Variants in HSPG2 observed in about 807,000 individuals in gnomAD.
HSPG2 encodes basement membrane-specific heparan sulfate proteoglycan core protein.
Under a neutral mutation model 526.6 loss-of-function variants are expected in HSPG2, and 278 were observed. The ratio of observed to expected loss-of-function variants is 0.53; its 90% confidence interval spans 0.48 to 0.58. The LOEUF (loss-of-function observed/expected upper bound fraction) is 0.58, where lower values mean the gene tolerates loss of function less well. HSPG2 is among the 20% of genes least tolerant of loss of function. The pLI is 0.00. For missense variants in HSPG2, 5,354 were observed against 6,099.5 expected (o/e 0.88, Z 4.07); for synonymous variants, 2,465 against 2,555.4 (o/e 0.96, Z 1.07).
intron 3 of HSPG2, among the ~76,000 whole-genome samples, chr1:21,892,875 A>AG (rs1642466547): frequency 6.6e-6 from 1 of 150,922 alleles, no homozygotes; most frequent in South Asian, 2.1e-4. Flanking sequence ...AAAAAAAAAA[A>AG]AAAAAGAAAA....
Position 21,890,304 on chromosome 1 carries a change from TC to T in HSPG2, c.413+122del. ...TGATCCCCCGACCAATTCCTGAATTTCCACCCACAGCGACTCATCCCATAGG... is the reference window on the plus strand; with the variant it reads ...TGATCCCCCGACCAATTCCTGAATTTCACCCACAGCGACTCATCCCATAGG... On this transcript the variant is annotated intron_variant, in intron 5 of 96. Transcript: ENST00000374695. The surrounding 1 kb of genome is among the most constrained non-coding windows in gnomAD (Gnocchi z 4.1). 1 of 1,275,266 alleles carries T rather than the reference TC, an allele frequency of 7.8e-7. No homozygotes were observed. Among genetic ancestry groups the T allele is most frequent in the Non-Finnish European group, 1.1e-6 (1 of 878,950 alleles). 79.0% of individuals were successfully genotyped at this position (1,275,266 alleles called of 1,614,324 possible). A position where few individuals can be genotyped will look rare whatever the true frequency, so the allele number is the denominator to read the frequency against.
rs1319668412 is a variant in HSPG2, at chr1:21,876,409, G to T, written c.2827-4C>A. ...GCTCCTCAGAGGCCCCATGCAACTG[G>T]GAGGAGGAGAAAGGGCTGGGATGGG... On this transcript the variant is annotated splice_polypyrimidine_tract_variant and splice_region_variant and intron_variant, in intron 22 of 96. Transcript: ENST00000374695. 6.2e-7 allele frequency: 1 copy of T among 1,610,396 alleles called. No homozygotes were observed. Among genetic ancestry groups the T allele is most frequent in the Non-Finnish European group, 8.5e-7 (1 of 1,178,360 alleles).
chr1:21,925,922 C>T (rs9426789), intron 1 of HSPG2, among the ~76,000 whole-genome samples: 34,686 of 151,700 alleles, frequency 0.23, 4,486 homozygotes, highest in East Asian at 0.42. Flanking sequence ...CTCCGCCTCC[C>T]GGGTTGAAGC....
intron 1 of HSPG2, among the ~76,000 whole-genome samples, chr1:21,935,032 G>T (rs1459844106): frequency 6.6e-6 from 1 of 151,974 alleles, no homozygotes; most frequent in Non-Finnish European, 1.5e-5. Flanking sequence ...TCAGCCTCCC[G>T]AGTAGTTGGG....
chr1:21,933,197 G>A (rs984933569), intron 1 of HSPG2, among the ~76,000 whole-genome samples: 130 of 151,542 alleles, frequency 8.6e-4, no homozygotes, highest in African/African-American at 2.9e-3. Context: ...TCCAGCCTGG[G>A]TGACAGTGTG....
rs555241640 is a variant in HSPG2, at chr1:21,823,385, C to T, written c.13107G>A (p.Pro4369=). The T allele has an allele frequency of 1.3e-5, 20 of 1,554,710 alleles. No individual in the cohort carries two copies. Among genetic ancestry groups the T allele is most frequent in the East Asian group, 9.5e-5 (4 of 42,072 alleles). Residue 4369 remains proline, a synonymous_variant, in exon 97 of 97, where the codon CCG becomes CCA. Transcript: ENST00000374695. Reference sequence around the variant, plus strand: ...GCTGCAGGTCCAGGGGCTGTGGGGGCGGGGCGCCGGGTCGGGCCGAGTGCA... The same window carrying T: ...GCTGCAGGTCCAGGGGCTGTGGGGGTGGGGCGCCGGGTCGGGCCGAGTGCA... ...LVLHSARPGA[P]PPQPLDLQHR...
At chr1:21,852,033 A>G in intron 53 of HSPG2, 55 bp downstream of exon 53, 1 of 1,611,860 alleles carries the variant, frequency 6.2e-7, no homozygotes, top group East Asian at 2.2e-5. Flanking sequence ...CCTAGGGGCC[A>G]GGATCCTGCA....
intron 17 of HSPG2, 129 bp downstream of exon 17, chr1:21,879,978 G>T: frequency 9.0e-7 from 1 of 1,111,718 alleles, no homozygotes; most frequent in Non-Finnish European, 1.4e-6. Flanking sequence ...GCATCCAGAG[G>T]TCATGATAGT....
At chr1:21,836,149 CT>C (rs2098025548) in intron 75 of HSPG2, among the ~76,000 whole-genome samples, 1 of 152,128 alleles carries the variant, frequency 6.6e-6, no homozygotes. Context: ...TGGTCTAGGG[CT>C]CAAGATTACA....
rs71569857 is a variant in HSPG2 at position 21,917,437 on chromosome 1, GTAAATAAATAAATAAA to G, written c.63+19702_63+19717del. Reference sequence around the variant, plus strand: ...GACAGAGCAAGACCCTGTCTCAAAAGTAAATAAATAAATAAATAAATAAATAAATAAATAAATAAAT... The same window carrying G: ...GACAGAGCAAGACCCTGTCTCAAAAGTAAATAAATAAATAAATAAATAAAT... On this transcript the variant is annotated intron_variant, in intron 1 of 96. Transcript: ENST00000374695. 5.2e-3 allele frequency among the ~76,000 whole-genome samples: 730 copies of G among 141,312 alleles called. 1 individual carries two copies. Among genetic ancestry groups the G allele is most frequent in the African/African-American group, 0.015 (571 of 38,638 alleles). 92.7% of individuals were successfully genotyped at this position (141,312 alleles called of 152,430 possible). A position where few individuals can be genotyped will look rare whatever the true frequency, so the allele number is the denominator to read the frequency against.
chr1:21,872,881 C>T lies in HSPG2; in HGVS notation c.3888+116G>A, dbSNP rs1301046891. ...CCCCGGGCAGCCCCTGCCCTGTCCC[C>T]CATGCCCTGCCCCCCATGCCCAGGT... On this transcript the variant is annotated intron_variant, in intron 31 of 96. Coordinates refer to ENST00000374695, the MANE Select transcript of HSPG2 (RefSeq NM_005529.7). The surrounding 1 kb of genome is among the most constrained non-coding windows in gnomAD (Gnocchi z 5.5). 1.3e-6 allele frequency: 2 copies of T among 1,529,622 alleles called. No individual in the cohort carries two copies. The highest frequency in any genetic ancestry group is 9.0e-7 in the Non-Finnish European group (1 of 1,106,036). The allele number at this position is 1,529,622 out of a possible 1,614,324, so 94.8% of individuals were successfully genotyped here. A position where few individuals can be genotyped will look rare whatever the true frequency, so the allele number is the denominator to read the frequency against.
At chr1:21,862,976 C>T (rs568894093) in intron 37 of HSPG2, among the ~76,000 whole-genome samples, 9 of 142,936 alleles carry the variant, frequency 6.3e-5, no homozygotes, top group Admixed American at 3.7e-4. Context: ...AGGAGAATGG[C>T]GTGAACCCAG....
rs1303039675 is a variant in HSPG2, at chr1:21,898,321, C to G, written c.64-2011G>C. 6.6e-6 allele frequency among the ~76,000 whole-genome samples: 1 copy of G among 152,210 alleles called. No individual in the cohort carries two copies. The highest frequency in any genetic ancestry group is 1.5e-5 in the Non-Finnish European group (1 of 68,038). On this transcript the variant is annotated intron_variant, in intron 1 of 96. Transcript: ENST00000374695. The surrounding 1 kb of genome is among the most constrained non-coding windows in gnomAD (Gnocchi z 4.0). Reference sequence around the variant, plus strand: ...CTTATTCCTGCTTTGGCCTAAAGCCCTTACCCCCAACAATCCAGCGGCAAA... The same window carrying G: ...CTTATTCCTGCTTTGGCCTAAAGCCGTTACCCCCAACAATCCAGCGGCAAA...
intron 91 of HSPG2, among the ~76,000 whole-genome samples, chr1:21,826,591 C>T (rs1352251920): frequency 6.6e-6 from 1 of 151,928 alleles, no homozygotes; most frequent in Non-Finnish European, 1.5e-5. Flanking sequence ...CTCATGGCAA[C>T]CTCCACCTCC....
At chr1:21,900,344 A>C (rs1487959283) in intron 1 of HSPG2, among the ~76,000 whole-genome samples, 1 of 152,206 alleles carries the variant, frequency 6.6e-6, no homozygotes, top group African/African-American at 2.4e-5. Context: ...GGATGCAGGC[A>C]GGGTGACCCC....
Position 21,892,195 on chromosome 1 carries a change from G to A in HSPG2, c.245-1501C>T, listed in dbSNP as rs1163336912. On this transcript the variant is annotated intron_variant, in intron 3 of 96. Coordinates refer to ENST00000374695, the MANE Select transcript of HSPG2 (RefSeq NM_005529.7). ...CTGGCGCTGCCTGCCCTGAACCGCT[G>A]GGCTAGGCTCCTGGGTGCCGGGTGG... is the stretch of plus-strand genomic sequence containing the variant. Among the ~76,000 whole-genome samples, 6 of 152,240 alleles carry A rather than the reference G, an allele frequency of 3.9e-5. No homozygotes were observed. In the East Asian group the frequency reaches 1.2e-3, roughly 29 times the overall value.
chr1:21,844,958 TAAC>T (rs1200796373), intron 64 of HSPG2, among the ~76,000 whole-genome samples: 1 of 152,262 alleles, frequency 6.6e-6, no homozygotes, highest in East Asian at 1.9e-4. Flanking sequence ...AAAAAAGCCT[TAAC>T]TACACACTGG....
chr1:21,870,152 G>A, intron 33 of HSPG2: 2 of 746,924 alleles, frequency 2.7e-6, no homozygotes, highest in Non-Finnish European at 3.3e-6. Flanking sequence ...CCTGGACTCA[G>A]CTCTCTGGTC....
chr1:21,857,087 C>A lies in HSPG2; in HGVS notation c.5503G>T (p.Ala1835Ser). 6.2e-7 allele frequency: 1 copy of A among 1,614,174 alleles called. No individual in the cohort carries two copies. The highest frequency in any genetic ancestry group is 8.5e-7 in the Non-Finnish European group (1 of 1,180,038). Residue 1835 changes from alanine to serine, a missense_variant, in exon 44 of 97, where the codon GCA (alanine) becomes TCA (serine). Ala to Ser is a moderately conservative substitution (Grantham distance 99). Transcript: ENST00000374695. ...GAGCCGGTGCACACGTAGGTGCCTGCATCACTCAGCTGGACGTTGCGAATG... is the reference window on the plus strand; with the variant it reads ...GAGCCGGTGCACACGTAGGTGCCTGAATCACTCAGCTGGACGTTGCGAATG... The part of the protein sequence containing the change: ...LTIRNVQLSD[A>S]GTYVCTGSNM...
Sources: allele counts gnomAD v4.1 joint callset (sites outside exome capture counted in the v4.1 genomes callset), GRCh38; gene constraint gnomAD v4.1.1; non-coding constraint Gnocchi (gnomAD v3.1); transcripts MANE v1.5; gene names NCBI Gene and HGNC (gene_info 2026-07-23, HGNC 2026-07-21).